The following ST6GALNAC5 variants were observed in gnomAD, a reference collection of about 807,000 sequenced individuals.
ST6GALNAC5 encodes ST6 N-acetylgalactosaminide alpha-2,6-sialyltransferase 5.
ST6GALNAC5 carries 27 observed loss-of-function variants against 33.6 expected under a neutral mutation model. The observed-to-expected ratio is 0.80, with a 90% CI of 0.59 to 1.11. The LOEUF (loss-of-function observed/expected upper bound fraction) is 1.11, where lower values mean the gene tolerates loss of function less well. Ranked by LOEUF, ST6GALNAC5 falls within the 50% of genes least tolerant of loss-of-function variation. ST6GALNAC5 has a pLI of 0.00. For missense variants in ST6GALNAC5, 428 were observed against 454.0 expected (o/e 0.94, Z 0.52); for synonymous variants, 194 against 171.2 (o/e 1.13, Z -1.04).
rs567520131 is a variant in ST6GALNAC5, at chr1:76,967,105, G to C, written c.262-77099G>C. Among the ~76,000 whole-genome samples the C allele has an allele frequency of 2.6e-5, 4 of 152,262 alleles. No individual in the cohort carries two copies. In the South Asian group the frequency reaches 8.3e-4, roughly 32 times the overall value. On this transcript the variant is annotated intron_variant, in intron 2 of 4. Coordinates refer to ENST00000477717, the MANE Select transcript of ST6GALNAC5 (RefSeq NM_030965.3). ...AGCCTTTGGTATCAGGATGATGCTG[G>C]CCTCATAAAATGAGCTAGGGAGGAT...
chr1:76,990,579 A>G (rs1649684431), intron 2 of ST6GALNAC5, among the ~76,000 whole-genome samples: 4 of 152,162 alleles, frequency 2.6e-5, no homozygotes, highest in Admixed American at 2.0e-4. Flanking sequence ...CAGCCAGGCT[A>G]TGAAAGAAGG....
chr1:76,977,700 C>G (rs1038220802), intron 2 of ST6GALNAC5, among the ~76,000 whole-genome samples: 1 of 152,092 alleles, frequency 6.6e-6, no homozygotes, highest in African/African-American at 2.4e-5. Context: ...TTCTATACAC[C>G]ACATTTTCTT....
chr1:76,983,897 G>C (rs150136302), intron 2 of ST6GALNAC5, among the ~76,000 whole-genome samples: 2 of 152,186 alleles, frequency 1.3e-5, no homozygotes, highest in South Asian at 4.1e-4. Flanking sequence ...TGAACAACCT[G>C]CTCCTGAATG....
At chr1:77,043,509 A>C (rs192882069) in intron 2 of ST6GALNAC5, among the ~76,000 whole-genome samples, 1 of 152,322 alleles carries the variant, frequency 6.6e-6, no homozygotes, top group African/African-American at 2.4e-5. Flanking sequence ...ATGTTTATGA[A>C]AATGGGACAA....
rs138578811 is a variant in ST6GALNAC5 at position 77,067,018 on chromosome 1, G to T, written c.*3812G>T. ...TACTTCAGAAGTACCATTATGGTTTGCCCAGGGCCAAGTGGGGAGTGAAGA... is the reference window on the plus strand; with the variant it reads ...TACTTCAGAAGTACCATTATGGTTTTCCCAGGGCCAAGTGGGGAGTGAAGA... On this transcript the variant is annotated 3_prime_UTR_variant, in exon 5 of 5. Transcript: ENST00000477717. 6.6e-6 allele frequency among the ~76,000 whole-genome samples: 1 copy of T among 152,304 alleles called. No homozygotes were observed. The highest frequency in any genetic ancestry group is 2.4e-5 in the African/African-American group (1 of 41,568).
rs1269835695 is a variant in ST6GALNAC5 at position 77,065,436 on chromosome 1, A to T, written c.*2230A>T. On this transcript the variant is annotated 3_prime_UTR_variant, in exon 5 of 5. Transcript: ENST00000477717. ...ATACTCAGAAGAATGAAGAGGCCAA[A>T]TTCAGAAAATCATGGCTTCACTGGG... is the stretch of plus-strand genomic sequence containing the variant. 4 of 152,212 alleles carry T rather than the reference A, an allele frequency of 2.6e-5. No homozygotes were observed. The highest frequency in any genetic ancestry group is 4.4e-5 in the Non-Finnish European group (3 of 68,040). 9.4% of individuals were successfully genotyped at this position (152,212 alleles called of 1,614,324 possible).
At chr1:76,879,567 G>A (rs1204821055) in intron 2 of ST6GALNAC5, among the ~76,000 whole-genome samples, 2 of 152,174 alleles carry the variant, frequency 1.3e-5, no homozygotes, top group Non-Finnish European at 2.9e-5. Context: ...CTTTAGTCTA[G>A]TTACAGGTCT....
chr1:76,905,210 G>C (rs1213216504), intron 2 of ST6GALNAC5, among the ~76,000 whole-genome samples: 1 of 152,146 alleles, frequency 6.6e-6, no homozygotes, highest in Non-Finnish European at 1.5e-5. Flanking sequence ...ATTCAAAGGG[G>C]TAGAGACTCT....
At chr1:76,970,605 A>G (rs1648709401) in intron 2 of ST6GALNAC5, among the ~76,000 whole-genome samples, 2 of 152,192 alleles carry the variant, frequency 1.3e-5, no homozygotes, top group Non-Finnish European at 2.9e-5. Flanking sequence ...AGTGACGGGG[A>G]GAGGGGAACC....
intron 2 of ST6GALNAC5, among the ~76,000 whole-genome samples, chr1:76,993,871 A>T (rs774784200): frequency 7.2e-5 from 11 of 152,068 alleles, no homozygotes; most frequent in Non-Finnish European, 1.5e-4. Flanking sequence ...GAGCTTTCTG[A>T]CTTAGAATCT....
chr1:77,007,623 A>C (rs969538257), intron 2 of ST6GALNAC5, among the ~76,000 whole-genome samples: 1 of 152,256 alleles, frequency 6.6e-6, no homozygotes, highest in African/African-American at 2.4e-5. Flanking sequence ...ATGTGCTTTT[A>C]CTAATATTTG....
intron 2 of ST6GALNAC5, among the ~76,000 whole-genome samples, chr1:76,997,345 T>A (rs947423837): frequency 6.6e-6 from 1 of 152,128 alleles, no homozygotes; most frequent in African/African-American, 2.4e-5. Context: ...ATGAAGGAAC[T>A]CAATAAGGTT....
In ST6GALNAC5 at chr1:77,046,130, G is replaced by A. The variant is rs192404521; in HGVS notation, c.671+1517G>A. The stretch of plus-strand genomic sequence containing the variant: ...TCAATTGCTTATCTTTAAACTAAAG[G>A]AGAGTCAGACTTAGTGGTGCATGCC... On this transcript the variant is annotated intron_variant, in intron 3 of 4. Transcript: ENST00000477717. 1.2e-3 allele frequency among the ~76,000 whole-genome samples: 186 copies of A among 152,274 alleles called. 4 individuals carry two copies. The South Asian group carries it at 0.019, about 16-fold the overall frequency.
At chr1:76,879,484 A>G (rs1653727492) in intron 2 of ST6GALNAC5, among the ~76,000 whole-genome samples, 1 of 152,172 alleles carries the variant, frequency 6.6e-6, no homozygotes, top group Non-Finnish European at 1.5e-5. Flanking sequence ...GAGAATTCAA[A>G]CAGTTATTTT....
At chr1:77,032,836 T>C (rs1017771162) in intron 2 of ST6GALNAC5, among the ~76,000 whole-genome samples, 1 of 152,188 alleles carries the variant, frequency 6.6e-6, no homozygotes, top group Non-Finnish European at 1.5e-5. Context: ...CAAGTTCTCA[T>C]AATTCTTTTG....
At chr1:77,051,107 G>C (rs1445378116) in intron 4 of ST6GALNAC5, among the ~76,000 whole-genome samples, 1 of 152,198 alleles carries the variant, frequency 6.6e-6, no homozygotes. Context: ...AATGGCAAAA[G>C]CTGGGGTGGG....
chr1:76,974,306 A>G (rs1480699042), intron 2 of ST6GALNAC5, among the ~76,000 whole-genome samples: 2 of 121,594 alleles, frequency 1.6e-5, no homozygotes, highest in East Asian at 6.8e-4. Context: ...CTGGGCTCAA[A>G]GTGATCCTCC....
At chr1:76,913,941 A>C (rs2100285483) in intron 2 of ST6GALNAC5, among the ~76,000 whole-genome samples, 1 of 152,142 alleles carries the variant, frequency 6.6e-6, no homozygotes, top group South Asian at 2.1e-4. Context: ...TATTTAGAAA[A>C]CCCCATTGTC....
rs1648447138 is a variant in ST6GALNAC5 at position 76,965,819 on chromosome 1, T to C, written c.262-78385T>C. Among the ~76,000 whole-genome samples, 4 of 152,370 alleles carry C rather than the reference T, an allele frequency of 2.6e-5. No homozygotes were observed. The South Asian group carries it at 8.3e-4, about 32-fold the overall frequency. On this transcript the variant is annotated intron_variant, in intron 2 of 4. Coordinates refer to ENST00000477717, the MANE Select transcript of ST6GALNAC5 (RefSeq NM_030965.3). ...ACGAAGGGATCCAATTTCAGCTTTCTACATATGGCTAGCTAGTTTTCCCAG... is the reference window on the plus strand; with the variant it reads ...ACGAAGGGATCCAATTTCAGCTTTCCACATATGGCTAGCTAGTTTTCCCAG...
Sources: gnomAD v4.1 joint callset for allele counts (sites outside exome capture counted in the v4.1 genomes callset) on GRCh38, gnomAD v4.1.1 for gene constraint, MANE v1.5 for transcripts, NCBI Gene and HGNC (gene_info 2026-07-23, HGNC 2026-07-21) for gene names.